FRMD3: variants seen among roughly 807,000 people sequenced by gnomAD.
FRMD3 encodes FERM domain containing 3.
Under a neutral mutation model 70.2 loss-of-function variants are expected in FRMD3, and 33 were observed. That is an observed-to-expected ratio of 0.47 (90% CI 0.36 to 0.63). The LOEUF is 0.63. Ranked by LOEUF, FRMD3 falls within the 20% of genes least tolerant of loss-of-function variation. The pLI, the probability that FRMD3 is intolerant of heterozygous loss-of-function variation, is 0.00. For missense variants in FRMD3, 632 were observed against 711.4 expected (o/e 0.89, Z 1.27); for synonymous variants, 279 against 255.9 (o/e 1.09, Z -0.86).
intron 1 of FRMD3, among the ~76,000 whole-genome samples, chr9:83,505,347 C>T (rs917153750): frequency 2.6e-5 from 4 of 152,098 alleles, no homozygotes; most frequent in South Asian, 2.1e-4. Flanking sequence ...TGAAAGTGCT[C>T]GAGAAGGACA....
At chr9:83,424,923 C>T (rs1182310328) in intron 1 of FRMD3, among the ~76,000 whole-genome samples, 1 of 152,234 alleles carries the variant, frequency 6.6e-6, no homozygotes, top group Non-Finnish European at 1.5e-5. Flanking sequence ...GCAACTCATA[C>T]TGGTTTTATT....
intron 1 of FRMD3, among the ~76,000 whole-genome samples, chr9:83,477,679 G>A (rs979704062): frequency 2.6e-5 from 4 of 152,160 alleles, no homozygotes; most frequent in African/African-American, 7.2e-5. Flanking sequence ...TGATCCTGGA[G>A]AGGAAGAGTA....
At chr9:83,487,072 T>A (rs929137847) in intron 1 of FRMD3, among the ~76,000 whole-genome samples, 1 of 152,216 alleles carries the variant, frequency 6.6e-6, no homozygotes, top group African/African-American at 2.4e-5. Flanking sequence ...TAGCATTATT[T>A]CCCATGTAAC....
intron 1 of FRMD3, among the ~76,000 whole-genome samples, chr9:83,442,880 T>C (rs72745092): frequency 0.24 from 35,831 of 152,096 alleles, 4,301 homozygotes; most frequent in Non-Finnish European, 0.26. Context: ...AAACCAAAAG[T>C]CTTCAGTAGT....
the FRMD3 span, among the ~76,000 whole-genome samples, chr9:83,568,443 A>C: frequency 1.3e-5 from 2 of 152,242 alleles, no homozygotes; most frequent in Admixed American, 6.5e-5. Flanking sequence ...AACACATATC[A>C]AGTACCACTT....
intron 1 of FRMD3, among the ~76,000 whole-genome samples, chr9:83,428,311 G>A (rs185985527): frequency 5.3e-5 from 8 of 151,832 alleles, no homozygotes; most frequent in Admixed American, 4.6e-4. Context: ...CCGGGAGGCA[G>A]AAGTTGCAGT....
At chr9:83,341,393 C>T (rs942213586) in intron 5 of FRMD3, among the ~76,000 whole-genome samples, 6 of 151,978 alleles carry the variant, frequency 3.9e-5, no homozygotes, top group African/African-American at 1.5e-4. Context: ...AACAGGATGG[C>T]GAGCTTTCCA....
In FRMD3 at chr9:83,290,662, G is replaced by A; in HGVS notation, c.1136C>T (p.Pro379Leu). Residue 379 changes from proline (P) to leucine (L), a missense_variant, in exon 13 of 14, where the codon CCC becomes CTC. Around this residue, in one of 3 missense-constraint regions of FRMD3, gnomAD observed 418 missense variants for 442.1 expected, o/e 0.95. Coordinates refer to ENST00000304195, the MANE Select transcript of FRMD3 (RefSeq NM_174938.6). Reference protein sequence around the residue: ...LNKQLIINMEPLQPLLPSPSE... With the variant: ...LNKQLIINMELLQPLLPSPSE... ...GGGGGAAGGAAGCAGGGGCTGCAGGGGTTCCATGTTAATGATGAGCTGTTT... is the reference window on the plus strand; with the variant it reads ...GGGGGAAGGAAGCAGGGGCTGCAGGAGTTCCATGTTAATGATGAGCTGTTT... 1.2e-6 allele frequency: 2 copies of A among 1,613,972 alleles called. No individual in the cohort carries two copies. The highest frequency in any genetic ancestry group is 1.7e-6 in the Non-Finnish European group (2 of 1,179,902).
chr9:83,372,942 G>T lies in FRMD3; in HGVS notation c.266C>A (p.Pro89His), dbSNP rs935278004. ...DPEKQRHWLE[P>H]NKSIFKQMKT... ...CATTTGCTTGAAGATGGACTTGTTA[G>T]GTTCAAGCCAGTGCTAGGGAGGAAA... The change falls in exon 3 of 14, where the codon CCT (proline) becomes CAT (histidine). Residue 89 changes from proline (P) to histidine (H), a missense_variant. By Grantham distance (77) the Pro-to-His change is moderately conservative. Around this residue, in one of 3 missense-constraint regions of FRMD3, gnomAD observed 208 missense variants for 247.7 expected, o/e 0.84. Transcript: ENST00000304195. 7 of 1,608,234 alleles carry T rather than the reference G, an allele frequency of 4.4e-6. No individual in the cohort carries two copies. Among genetic ancestry groups the T allele is most frequent in the Non-Finnish European group, 5.9e-6 (7 of 1,178,720 alleles).
intron 1 of FRMD3, among the ~76,000 whole-genome samples, chr9:83,509,346 A>C (rs1039818411): frequency 1.3e-5 from 2 of 152,200 alleles, no homozygotes; most frequent in Non-Finnish European, 2.9e-5. Flanking sequence ...AATTCAAACG[A>C]GATCTCTGGC....
In FRMD3 at chr9:83,389,691, C is replaced by T. The variant is rs757312902; in HGVS notation, c.165G>A (p.Gln55=). ...SCHIQRETKG[Q]FLIDHICNYY... ...AGTTGCAGATGTGGTCAATGAGAAACTGCCCTTTGGTTTCCCTCTGCAAAG... is the reference window on the plus strand; with the variant it reads ...AGTTGCAGATGTGGTCAATGAGAAATTGCCCTTTGGTTTCCCTCTGCAAAG... Residue 55 remains glutamine, a synonymous_variant, in exon 2 of 14, where the codon CAG becomes CAA. Transcript: ENST00000304195. The T allele has an allele frequency of 8.7e-6, 14 of 1,613,590 alleles. No homozygotes were observed. Among genetic ancestry groups the T allele is most frequent in the South Asian group, 6.6e-5 (6 of 91,076 alleles).
chr9:83,249,834 C>T (rs2118522207), intron 13 of FRMD3, among the ~76,000 whole-genome samples: 1 of 152,220 alleles, frequency 6.6e-6, no homozygotes, highest in African/African-American at 2.4e-5. Context: ...GACATTAGAA[C>T]CCTGCATATT....
chr9:83,584,055 G>A, the FRMD3 span, among the ~76,000 whole-genome samples: 1 of 152,200 alleles, frequency 6.6e-6, no homozygotes, highest in Admixed American at 6.5e-5. Flanking sequence ...AAGTCTCTTG[G>A]CCGGGCGTGG....
At chr9:83,539,234 T>C (rs116171318), upstream of FRMD3, among the ~76,000 whole-genome samples, 714 of 152,258 alleles carry the variant, frequency 4.7e-3, 11 homozygotes, top group African/African-American at 0.017. Context: ...TCTCTGGGTA[T>C]TGAGGACTCT....
intron 1 of FRMD3, among the ~76,000 whole-genome samples, chr9:83,481,813 T>C (rs1296686148): frequency 1.3e-5 from 2 of 152,086 alleles, no homozygotes; most frequent in Non-Finnish European, 2.9e-5. Context: ...TTCTCTGAGC[T>C]CCTCATATGC....
At chr9:83,504,006 C>G (rs547268991) in intron 1 of FRMD3, among the ~76,000 whole-genome samples, 1 of 152,110 alleles carries the variant, frequency 6.6e-6, no homozygotes, top group African/African-American at 2.4e-5. Context: ...GAGGTGGTAA[C>G]GGAAGAGAAT....
the FRMD3 span, among the ~76,000 whole-genome samples, chr9:83,556,201 G>GAA: frequency 2.8e-5 from 4 of 143,634 alleles, no homozygotes; most frequent in South Asian, 8.7e-4. Context: ...CTAGCCTTTT[G>GAA]AAAAAAAAAA....
At chr9:83,461,388 C>T (rs924037216) in intron 1 of FRMD3, among the ~76,000 whole-genome samples, 4 of 152,096 alleles carry the variant, frequency 2.6e-5, no homozygotes, top group African/African-American at 9.7e-5. Context: ...CCCACTGAGA[C>T]CCACTAAGTT....
chr9:83,519,942 A>G (rs537292847), intron 1 of FRMD3, among the ~76,000 whole-genome samples: 3 of 152,304 alleles, frequency 2.0e-5, no homozygotes, highest in African/African-American at 7.2e-5. Context: ...GAGTTGAACA[A>G]TGAGAACATA....
Sources: gnomAD v4.1 joint callset for allele counts (sites outside exome capture counted in the v4.1 genomes callset) on GRCh38, gnomAD v4.1.1 for gene constraint, gnomAD v4.1.1 regional missense constraint, MANE v1.5 for transcripts, NCBI Gene and HGNC (gene_info 2026-07-23, HGNC 2026-07-21) for gene names.